The following TSPOAP1 variants were observed in gnomAD, a reference collection of about 807,000 sequenced individuals.
TSPOAP1 encodes peripheral-type benzodiazepine receptor-associated protein 1.
A neutral mutation model predicts 197.0 loss-of-function variants in TSPOAP1; 87 were observed. That is an observed-to-expected ratio of 0.44 (90% confidence interval 0.37 to 0.53). TSPOAP1 has a LOEUF of 0.53. Ranked by LOEUF, TSPOAP1 falls within the 20% of genes least tolerant of loss-of-function variation. The pLI is 0.00. For synonymous variants in TSPOAP1, 913 were observed against 998.9 expected (o/e 0.91, Z 1.62); for missense variants, 2,174 against 2,411.3 (o/e 0.90, Z 2.06).
intron 16 of TSPOAP1, among the ~76,000 whole-genome samples, chr17:58,313,148 T>C (rs1971122095): frequency 6.6e-6 from 1 of 152,254 alleles, no homozygotes; most frequent in South Asian, 2.1e-4. Flanking sequence ...TTTAAAATCA[T>C]GTTTAACCTA....
chr17:58,304,074 C>A lies in TSPOAP1; in HGVS notation c.*32+264G>T, dbSNP rs1456140856. Reference sequence around the variant, plus strand: ...ACATGTGTTATAGAATAGGAAGCATCAGCTAATATGGGACATCACACACTA... The same window carrying A: ...ACATGTGTTATAGAATAGGAAGCATAAGCTAATATGGGACATCACACACTA... On this transcript the variant is annotated intron_variant, in intron 31 of 31. Transcript: ENST00000343736. This position sits in a 1 kb window ranked among gnomAD's most constrained non-coding sequence, Gnocchi z 4.2. 2 of 447,566 alleles carry A rather than the reference C, an allele frequency of 4.5e-6. No homozygotes were observed. The highest frequency in any genetic ancestry group is 2.0e-5 in the African/African-American group (1 of 50,904). 27.7% of individuals were successfully genotyped at this position (447,566 alleles called of 1,614,324 possible).
intron 31 of TSPOAP1, 35 bp from the exon 32 acceptor site, chr17:58,302,482 C>T: frequency 8.4e-7 from 1 of 1,192,922 alleles, no homozygotes; most frequent in Non-Finnish European, 1.1e-6. Flanking sequence ...AGGTCAGGGC[C>T]TGATTCCCTC....
chr17:58,315,268 G>A (rs749205265), intron 16 of TSPOAP1, among the ~76,000 whole-genome samples: 4 of 152,214 alleles, frequency 2.6e-5, no homozygotes, highest in South Asian at 2.1e-4. Context: ...CAGGGTTACA[G>A]ATTCAGAGCT....
At chr17:58,306,541 C>T in intron 25 of TSPOAP1, 128 bp from the exon 26 acceptor site, 1 of 1,021,036 alleles carries the variant, frequency 9.8e-7, no homozygotes, top group Non-Finnish European at 1.4e-6. Flanking sequence ...CATCTCCCAT[C>T]CCTGACAAGA....
At position 58,326,348 on chromosome 17, in the gene TSPOAP1, A is replaced by T; in HGVS notation, c.515T>A (p.Ile172Asn). Residue 172 changes from isoleucine (I) to asparagine (N), a missense_variant, in exon 3 of 32, where the codon ATT becomes AAT. Transcript: ENST00000343736. This position sits in a 1 kb window ranked among gnomAD's most constrained non-coding sequence, Gnocchi z 4.7. ...LKRKNAELAV[I>N]AKRLEERARK... ...GGCCCTCTCCTCCAGGCGCTTGGCA[A>T]TGACCGCCAGCTCGGCGTTCTTCCT... The T allele has an allele frequency of 6.2e-7, 1 of 1,614,048 alleles. No homozygotes were observed. Among genetic ancestry groups the T allele is most frequent in the East Asian group, 2.2e-5 (1 of 44,882 alleles).
Position 58,320,561 on chromosome 17 carries a change from C to A in TSPOAP1, c.1443G>T (p.Arg481Ser). 6.8e-7 allele frequency: 1 copy of A among 1,474,192 alleles called. No individual in the cohort carries two copies. Among genetic ancestry groups the A allele is most frequent in the Non-Finnish European group, 9.0e-7 (1 of 1,112,050 alleles). 91.3% of individuals were successfully genotyped at this position (1,474,192 alleles called of 1,614,324 possible). ...RLQQAQAEAQ[R>S]EHEGAVQLLE... is the part of the protein sequence containing the mutation. ...GCAGCTGCACGGCTCCTTCATGTTCCCTCTGGGCTTCAGCCTGGGCCTACA... is the reference window on the plus strand; with the variant it reads ...GCAGCTGCACGGCTCCTTCATGTTCACTCTGGGCTTCAGCCTGGGCCTACA... The change falls in exon 11 of 32, where the codon AGG becomes AGT. Residue 481 changes from arginine to serine, a missense_variant. Coordinates refer to ENST00000343736, the MANE Select transcript of TSPOAP1 (RefSeq NM_004758.4).
rs1250513211 is a variant in TSPOAP1, at chr17:58,308,779, C to T, written c.4493G>A (p.Ser1498Asn). 6.2e-7 allele frequency: 1 copy of T among 1,613,086 alleles called. No individual in the cohort carries two copies. The highest frequency in any genetic ancestry group is 8.5e-7 in the Non-Finnish European group (1 of 1,180,014). ...CTCATCCTCCGAATCATATTCAATG[C>T]TGATTTCCAAGCACTTGGGGGAAAG... is the stretch of plus-strand genomic sequence containing the variant. ...SCLSPKCLEISIEYDSEDEQE... is the reference protein window; with the variant it reads ...SCLSPKCLEINIEYDSEDEQE... Residue 1498 changes from serine (S) to asparagine (N), a missense_variant, in exon 22 of 32, where the codon AGC becomes AAC. This residue lies in a region of TSPOAP1 where 1,933 missense variants were observed against 2,139.0 expected (regional missense o/e 0.90). Transcript: ENST00000343736.
rs1971096404 is a variant in TSPOAP1, at chr17:58,312,238, G to A, written c.2583C>T (p.Ala861=). Residue 861 remains alanine, a synonymous_variant, in exon 17 of 32, where the codon GCC becomes GCT. Transcript: ENST00000343736. The stretch of plus-strand genomic sequence containing the variant: ...GGTCAGAGCTGCCCCGGCTAGTCAG[G>A]GCCTGGACAGAAATGTGAAGGGGCC... ...WAGPLHISVQ[A]LTSRGSSDPL... The A allele has an allele frequency of 1.2e-6, 2 of 1,612,514 alleles. No homozygotes were observed. The highest frequency in any genetic ancestry group is 1.3e-5 in the African/African-American group (1 of 74,922).
In TSPOAP1 at chr17:58,324,370, G is replaced by T. The variant is rs901091713; in HGVS notation, c.942+441C>A. On this transcript the variant is annotated intron_variant, in intron 5 of 31. Coordinates refer to ENST00000343736, the MANE Select transcript of TSPOAP1 (RefSeq NM_004758.4). The surrounding 1 kb of genome is among the most constrained non-coding windows in gnomAD (Gnocchi z 5.8). ...TGAGGGTTGCCTGTACCTGGAGCCG[G>T]GGCGGACGCACCGCCGCCCCCGGGT... 4.6e-5 allele frequency among the ~76,000 whole-genome samples: 7 copies of T among 152,106 alleles called. No individual in the cohort carries two copies. Among genetic ancestry groups the T allele is most frequent in the African/African-American group, 1.7e-4 (7 of 41,454 alleles).
Position 58,328,163 on chromosome 17 carries a change from G to A in TSPOAP1, c.-243C>T. On this transcript the variant is annotated 5_prime_UTR_variant, in exon 1 of 32. Coordinates refer to ENST00000343736, the MANE Select transcript of TSPOAP1 (RefSeq NM_004758.4). The surrounding 1 kb of genome is among the most constrained non-coding windows in gnomAD (Gnocchi z 4.3). Reference sequence around the variant, plus strand: ...TGCTGGTAGCTGTGTGTGTGCGCGAGTATGTGGAGGAGCGAGGGTGTCCCT... The same window carrying A: ...TGCTGGTAGCTGTGTGTGTGCGCGAATATGTGGAGGAGCGAGGGTGTCCCT... 1.8e-6 allele frequency: 1 copy of A among 559,468 alleles called. No individual in the cohort carries two copies. The highest frequency in any genetic ancestry group is 2.2e-5 in the South Asian group (1 of 45,022). 34.7% of individuals were successfully genotyped at this position (559,468 alleles called of 1,614,324 possible).
chr17:58,323,073 C>G (rs1423780456), intron 7 of TSPOAP1, 34 bp from the exon 8 acceptor site: 3 of 1,582,738 alleles, frequency 1.9e-6, no homozygotes, highest in Admixed American at 3.6e-5. Flanking sequence ...GGAGGGAGCC[C>G]AGCACCCACA....
At position 58,304,855 on chromosome 17, in the gene TSPOAP1, A is replaced by G; in HGVS notation, c.5544+206T>C. The G allele has an allele frequency of 1.5e-6, 1 of 678,494 alleles. No individual in the cohort carries two copies. Among genetic ancestry groups the G allele is most frequent in the East Asian group, 2.7e-5 (1 of 36,616 alleles). 42.0% of individuals were successfully genotyped at this position (678,494 alleles called of 1,614,324 possible). A position where few individuals can be genotyped will look rare whatever the true frequency, so the allele number is the denominator to read the frequency against. The stretch of plus-strand genomic sequence containing the variant: ...CCTGAGGGTCAGGGTCACAGCTATC[A>G]TCCCTCTGCAGAGAGGGGCACATAC... On this transcript the variant is annotated intron_variant, in intron 30 of 31. Coordinates refer to ENST00000343736, the MANE Select transcript of TSPOAP1 (RefSeq NM_004758.4). This position sits in a 1 kb window ranked among gnomAD's most constrained non-coding sequence, Gnocchi z 4.2.
At chr17:58,313,239 C>T (rs1227025986) in intron 16 of TSPOAP1, among the ~76,000 whole-genome samples, 2 of 152,110 alleles carry the variant, frequency 1.3e-5, no homozygotes, top group African/African-American at 2.4e-5. Flanking sequence ...ATATTCTGTA[C>T]ATTTGAAAAC....
intron 4 of TSPOAP1, 70 bp downstream of exon 4, chr17:58,325,464 T>G: frequency 6.3e-7 from 1 of 1,584,080 alleles, no homozygotes; most frequent in Non-Finnish European, 8.6e-7. Flanking sequence ...ACATCTTGTC[T>G]GCATCCCACA....
rs1970735243 is a variant in TSPOAP1 at position 58,302,053 on chromosome 17, C to T, written c.*427G>A. ...CATACTCACTGTGGGCTCAGTTTCC[C>T]CTCCTGTAGGAGGAAGGTGCTTCTC... is the stretch of plus-strand genomic sequence containing the variant. On this transcript the variant is annotated 3_prime_UTR_variant, in exon 32 of 32. Transcript: ENST00000343736. The T allele has an allele frequency of 2.8e-6, 1 of 357,528 alleles. No homozygotes were observed. The highest frequency in any genetic ancestry group is 2.3e-5 in the South Asian group (1 of 43,566). 22.1% of individuals were successfully genotyped at this position (357,528 alleles called of 1,614,324 possible).
At position 58,327,618 on chromosome 17, in the gene TSPOAP1, T is replaced by G. The variant is rs1421500698; in HGVS notation, c.303A>C (p.Pro101=). 1.9e-6 allele frequency: 3 copies of G among 1,613,454 alleles called. No individual in the cohort carries two copies. The highest frequency in any genetic ancestry group is 2.5e-6 in the Non-Finnish European group (3 of 1,179,958). Residue 101 remains proline, a synonymous_variant, in exon 1 of 32, where the codon CCA becomes CCC. Transcript: ENST00000343736. ...GGAAAGCCTCCACTTCCTCATCCTC[T>G]GGCCTCTGGCAGGCGGGTCCAGAGC... The part of the protein sequence containing the change: ...ASSSGPACQR[P]EDEEVEAFLK...
At chr17:58,321,532 A>T (rs1360165747) in intron 10 of TSPOAP1, among the ~76,000 whole-genome samples, 1 of 152,160 alleles carries the variant, frequency 6.6e-6, no homozygotes. Context: ...TCCTGACCTC[A>T]ACTGATCCAC....
In TSPOAP1 at chr17:58,323,388, G is replaced by A. The variant is rs765214764; in HGVS notation, c.1021-7C>T. ...TCTTGCTGAGCTCCGATTCCTGAGG[G>A]GTCAGAACCAAGTGCTCCTCATGAG... On this transcript the variant is annotated splice_region_variant and splice_polypyrimidine_tract_variant and intron_variant, in intron 6 of 31. Coordinates refer to ENST00000343736, the MANE Select transcript of TSPOAP1 (RefSeq NM_004758.4). 6.2e-7 allele frequency: 1 copy of A among 1,614,234 alleles called. No homozygotes were observed. Among genetic ancestry groups the A allele is most frequent in the South Asian group, 1.1e-5 (1 of 91,084 alleles).
At chr17:58,305,895 T>TAA in intron 26 of TSPOAP1, 30 bp from the exon 27 acceptor site, 1 of 1,555,014 alleles carries the variant, frequency 6.4e-7, no homozygotes, top group Non-Finnish European at 8.8e-7. Flanking sequence ...GTGAGCCCCC[T>TAA]CCCACCCTGC....
Sources: allele counts gnomAD v4.1 joint callset (sites outside exome capture counted in the v4.1 genomes callset), GRCh38; gene constraint gnomAD v4.1.1; regional missense constraint gnomAD v4.1.1; non-coding constraint Gnocchi (gnomAD v3.1); transcripts MANE v1.5; gene names NCBI Gene and HGNC (gene_info 2026-07-23, HGNC 2026-07-21).